PRDM4: variants seen among roughly 807,000 people sequenced by gnomAD.
PRDM4 encodes PR domain zinc finger protein 4.
A neutral mutation model predicts 62.3 loss-of-function variants in PRDM4; 38 were observed. The observed-to-expected ratio is 0.61, with a 90% CI of 0.47 to 0.80. PRDM4 has a LOEUF of 0.80. Among genes scored for constraint, PRDM4 ranks in the 30% least tolerant of loss-of-function variants. The pLI, the probability that PRDM4 is intolerant of heterozygous loss-of-function variation, is 0.00. For synonymous variants in PRDM4, 339 were observed against 348.2 expected (o/e 0.97, Z 0.30); for missense variants, 858 against 997.1 (o/e 0.86, Z 1.88).
In PRDM4 at chr12:107,740,130, T is replaced by A. The variant is rs190162986; in HGVS notation, c.1925-579A>T. On this transcript the variant is annotated intron_variant, in intron 10 of 11. Transcript: ENST00000228437. ...AGGATGGGGAAGAAACTTTTGAAGA[T>A]CTGGAGAAAAGATGACCCCAACAAG... is the stretch of plus-strand genomic sequence containing the variant. Among the ~76,000 whole-genome samples, 64 of 152,158 alleles carry A rather than the reference T, an allele frequency of 4.2e-4. No homozygotes were observed. In the East Asian group the frequency reaches 5.4e-3, roughly 13 times the overall value.
intron 11 of PRDM4, chr12:107,739,067 T>C: frequency 4.4e-6 from 1 of 228,542 alleles, no homozygotes; most frequent in Non-Finnish European, 8.6e-6. Context: ...CTCTCTCACA[T>C]GCACACTATC....
At chr12:107,760,261 C>T (rs1053469657) in intron 2 of PRDM4, among the ~76,000 whole-genome samples, 1 of 152,204 alleles carries the variant, frequency 6.6e-6, no homozygotes, top group African/African-American at 2.4e-5. Context: ...CTGAAAGACA[C>T]AGGAAAAGGT....
At chr12:107,756,260 A>C (rs1271763970) in intron 3 of PRDM4, among the ~76,000 whole-genome samples, 1 of 148,710 alleles carries the variant, frequency 6.7e-6, no homozygotes, top group African/African-American at 2.5e-5. Flanking sequence ...ACTCCATTTC[A>C]AAAAAAAAAG....
In PRDM4 at chr12:107,751,508, C is replaced by T. The variant is rs12423276; in HGVS notation, c.1033G>A (p.Val345Ile). Reference sequence around the variant, plus strand: ...ACAAAAGAAAGACTGTCTGAAGATACATCTACATGACCTGTCCCCATAGCA... The same window carrying T: ...ACAAAAGAAAGACTGTCTGAAGATATATCTACATGACCTGTCCCCATAGCA... The part of the protein sequence containing the change: ...EVAMGTGHVD[V>I]SSDSLSFVSP... The change falls in exon 5 of 12, where the codon GTA (valine) becomes ATA (isoleucine). Residue 345 changes from valine (V) to isoleucine (I), a missense_variant. Physicochemically the swap from Val to Ile is conservative, Grantham distance 29 (BLOSUM62 3). Coordinates refer to ENST00000228437, the MANE Select transcript of PRDM4 (RefSeq NM_012406.4). 7.3e-4 allele frequency: 1,183 copies of T among 1,613,574 alleles called. 3 individuals carry two copies. In the Admixed American group the frequency reaches 0.011, roughly 15 times the overall value.
chr12:107,739,015 TCCA>T (rs1890429074), intron 11 of PRDM4: 1 of 175,074 alleles, frequency 5.7e-6, no homozygotes. Context: ...CCAAAGGTTC[TCCA>T]TAGTGTGGCT....
intron 11 of PRDM4, among the ~76,000 whole-genome samples, chr12:107,735,770 T>C (rs932336213): frequency 2.0e-5 from 3 of 151,778 alleles, no homozygotes; most frequent in Admixed American, 6.6e-5. Context: ...CTTTTTTTTT[T>C]TTTTTGAGTA....
intron 8 of PRDM4, 137 bp downstream of exon 8, chr12:107,743,060 C>A: frequency 1.4e-6 from 1 of 691,210 alleles, no homozygotes; most frequent in Non-Finnish European, 2.4e-6. Context: ...AGCCACCATG[C>A]CTGGCTGCCT....
rs1890706861 is a variant in PRDM4, at chr12:107,746,391, T to C, written c.1160A>G (p.Asp387Gly). 4 of 1,612,316 alleles carry C rather than the reference T, an allele frequency of 2.5e-6. No homozygotes were observed. Among genetic ancestry groups the C allele is most frequent in the East Asian group, 2.2e-5 (1 of 44,810 alleles). Residue 387 changes from aspartate to glycine, a missense_variant, in exon 6 of 12, where the codon GAC becomes GGC. Asp to Gly is a moderately conservative substitution (Grantham distance 94). Transcript: ENST00000228437. Reference sequence around the variant, plus strand: ...AGTCACTGGTCCATGTTCGGGACAGTCCGAGGGATAGGCGCGGTCACACAG... The same window carrying C: ...AGTCACTGGTCCATGTTCGGGACAGCCCGAGGGATAGGCGCGGTCACACAG... Reference protein sequence around the residue: ...CTLCDRAYPSDCPEHGPVTFV... With the variant: ...CTLCDRAYPSGCPEHGPVTFV...
chr12:107,744,120 G>A (rs1344539), intron 7 of PRDM4, among the ~76,000 whole-genome samples: 140,611 of 149,024 alleles, frequency 0.94, 66,101 homozygotes, highest in Admixed American at 0.95. Context: ...TCTCAAGGAA[G>A]AAAAAAAAAG....
At position 107,751,616 on chromosome 12, in the gene PRDM4, G is replaced by A. The variant is rs202233683; in HGVS notation, c.925C>T (p.Leu309Phe). Residue 309 changes from leucine to phenylalanine, a missense_variant, in exon 5 of 12, where the codon CTT becomes TTT. Physicochemically the swap from Leu to Phe is conservative, Grantham distance 22. Coordinates refer to ENST00000228437, the MANE Select transcript of PRDM4 (RefSeq NM_012406.4). ...VSVALSTSHN[L>F]ASLESVSLHE... ...AGGGAAACAGATTCTAGGGAGGCAA[G>A]GTTGTGTGAGGTAGAGAGTGCCACG... 3.7e-6 allele frequency: 6 copies of A among 1,613,956 alleles called. No homozygotes were observed. The East Asian group carries it at 1.3e-4, about 36-fold the overall frequency.
At position 107,734,522 on chromosome 12, in the gene PRDM4, T is replaced by C. The variant is rs1287179071; in HGVS notation, c.2094A>G (p.Gln698=). Residue 698 remains glutamine (Q), a splice_region_variant and synonymous_variant, in exon 12 of 12, where the codon CAA becomes CAG. Transcript: ENST00000228437. ...DLKQHVLIHT[Q]ERQIKCPKCD... ...ACTTGGGACACTTGATCTGGCGTTC[T>C]CTAAGAGGAACACAAGAAAAAACAT... 1.9e-6 allele frequency: 3 copies of C among 1,606,124 alleles called. No homozygotes were observed. Among genetic ancestry groups the C allele is most frequent in the Non-Finnish European group, 2.6e-6 (3 of 1,175,560 alleles).
At position 107,741,017 on chromosome 12, in the gene PRDM4, TGG is replaced by T; in HGVS notation, c.1851_1852del (p.His618GlnfsTer3). 1 of 1,614,170 alleles carries T rather than the reference TGG, an allele frequency of 6.2e-7. No individual in the cohort carries two copies. Among genetic ancestry groups the T allele is most frequent in the Non-Finnish European group, 8.5e-7 (1 of 1,180,036 alleles). On this transcript the variant is annotated frameshift_variant, in exon 10 of 12. Coordinates refer to ENST00000228437, the MANE Select transcript of PRDM4 (RefSeq NM_012406.4). LOFTEE classifies it high-confidence loss of function. ...AGCCTTGCTACAGAAATCACACTTG[TGG>T]GGCTTCATACCCATGTGACCCATAA...
chr12:107,744,517 C>G (rs753566030), intron 7 of PRDM4, 26 bp downstream of exon 7: 1 of 1,596,452 alleles, frequency 6.3e-7, no homozygotes, highest in African/African-American at 1.3e-5. Flanking sequence ...AGCCAAAAGC[C>G]ACAGAAAAGT....
At chr12:107,745,271 G>A (rs577657213) in intron 6 of PRDM4, among the ~76,000 whole-genome samples, 2 of 152,136 alleles carry the variant, frequency 1.3e-5, no homozygotes, top group East Asian at 3.9e-4. Flanking sequence ...CATTATTTTG[G>A]AGTTAAATAT....
intron 8 of PRDM4, among the ~76,000 whole-genome samples, chr12:107,742,868 A>T (rs1440064680): frequency 6.6e-6 from 1 of 151,286 alleles, no homozygotes; most frequent in Non-Finnish European, 1.5e-5. Flanking sequence ...AGCTCAAATG[A>T]TCCTCCCACC....
intron 1 of PRDM4, 29 bp from the exon 2 acceptor site, chr12:107,760,800 CA>C: frequency 2.4e-6 from 1 of 414,768 alleles, no homozygotes; most frequent in Non-Finnish European, 4.4e-6. Context: ...GAGCGGTCAC[CA>C]AAACCACAAC....
In PRDM4 at chr12:107,746,159, G is replaced by A. The variant is rs371090406; in HGVS notation, c.1276+116C>T. 3 of 1,241,196 alleles carry A rather than the reference G, an allele frequency of 2.4e-6. No homozygotes were observed. The African/African-American group carries it at 4.5e-5, about 19-fold the overall frequency. The allele number at this position is 1,241,196 out of a possible 1,614,324, so 76.9% of individuals were successfully genotyped here. A position where few individuals can be genotyped will look rare whatever the true frequency, so the allele number is the denominator to read the frequency against. ...TATTCCATAAAAGCATAAATCTTAA[G>A]CCATAAATTGACTTTTGGTCCAAAT... is the stretch of plus-strand genomic sequence containing the variant. On this transcript the variant is annotated intron_variant, in intron 6 of 11. Coordinates refer to ENST00000228437, the MANE Select transcript of PRDM4 (RefSeq NM_012406.4).
Position 107,741,167 on chromosome 12 carries a change from T to A in PRDM4, c.1703A>T (p.His568Leu). The A allele has an allele frequency of 6.2e-7, 1 of 1,614,200 alleles. No homozygotes were observed. Among genetic ancestry groups the A allele is most frequent in the Non-Finnish European group, 8.5e-7 (1 of 1,180,028 alleles). Residue 568 changes from histidine to leucine, a missense_variant, in exon 10 of 12, where the codon CAT becomes CTT. This residue lies in a region of PRDM4 where 355 missense variants were observed against 432.6 expected (regional missense o/e 0.82). Coordinates refer to ENST00000228437, the MANE Select transcript of PRDM4 (RefSeq NM_012406.4). The stretch of plus-strand genomic sequence containing the variant: ...ATGTCCCTGGGTAGGAAGATGGTTA[T>A]GGATGTGGCTGGTCAGATGGGCTTT... ...EFKAHLTSHI[H>L]NHLPTQGHSG...
intron 4 of PRDM4, among the ~76,000 whole-genome samples, chr12:107,752,416 T>G (rs930920615): frequency 7.2e-5 from 11 of 152,206 alleles, no homozygotes; most frequent in Non-Finnish European, 1.5e-4. Context: ...CCTAAAAAAG[T>G]TAACTATGTT....
Sources: allele counts gnomAD v4.1 joint callset (sites outside exome capture counted in the v4.1 genomes callset), GRCh38; gene constraint gnomAD v4.1.1; regional missense constraint gnomAD v4.1.1; transcripts MANE v1.5; gene names NCBI Gene and HGNC (gene_info 2026-07-23, HGNC 2026-07-21).